EPHB1: variants seen among roughly 807,000 people sequenced by gnomAD.
EPHB1 encodes ephrin type-B receptor 1.
EPHB1 carries 30 observed loss-of-function variants against 94.4 expected under a neutral mutation model. The observed-to-expected ratio is 0.32, with a 90% confidence interval of 0.24 to 0.43. The LOEUF (loss-of-function observed/expected upper bound fraction) is 0.43. Ranked by LOEUF, EPHB1 falls within the 20% of genes least tolerant of loss-of-function variation. The probability of loss-of-function intolerance (pLI) is 1.00; values close to 1 mark genes in which losing one functional copy is unlikely to be tolerated. For missense variants in EPHB1, 1,055 were observed against 1,308.3 expected (o/e 0.81, Z 2.99); for synonymous variants, 522 against 489.1 (o/e 1.07, Z -0.89).
chr3:135,235,483 G>A (rs8179953), intron 12 of EPHB1, among the ~76,000 whole-genome samples: 41,450 of 152,062 alleles, frequency 0.27, 5,805 homozygotes, highest in Non-Finnish European at 0.29. Context: ...CACTTCTCCA[G>A]CCAGTAGCTG....
chr3:134,979,342 A>G (rs39699), intron 3 of EPHB1, among the ~76,000 whole-genome samples: 95,963 of 152,126 alleles, frequency 0.63, 32,095 homozygotes, highest in African/African-American at 0.83. Context: ...TTCTTTCTGT[A>G]ACTTTAGACT....
At position 135,259,971 on chromosome 3, in the gene EPHB1, G is replaced by C. The variant is rs1933573799; in HGVS notation, c.*851G>C. ...CCAAAGGGGCTGGAATATGGTGTTG[G>C]TTTGGCTTTCTGGTTGGCCCAATCG... On this transcript the variant is annotated 3_prime_UTR_variant, in exon 16 of 16. Transcript: ENST00000398015. The C allele has an allele frequency of 4.3e-6, 1 of 232,036 alleles. No homozygotes were observed. 14.4% of individuals were successfully genotyped at this position (232,036 alleles called of 1,614,324 possible). A position where few individuals can be genotyped will look rare whatever the true frequency, so the allele number is the denominator to read the frequency against.
intron 3 of EPHB1, among the ~76,000 whole-genome samples, chr3:135,034,361 G>A (rs757214445): frequency 2.0e-5 from 3 of 152,232 alleles, no homozygotes; most frequent in Non-Finnish European, 1.5e-5. Flanking sequence ...AGGGCAAGGG[G>A]CAGGCAGACT....
chr3:135,071,331 A>G (rs959169381), intron 3 of EPHB1, among the ~76,000 whole-genome samples: 5 of 152,208 alleles, frequency 3.3e-5, no homozygotes, highest in African/African-American at 1.2e-4. Context: ...GAGCAGTAAG[A>G]TCTCAGAAAA....
chr3:135,259,815 A>AG lies in EPHB1; in HGVS notation c.*695_*696insG. The stretch of plus-strand genomic sequence containing the variant: ...AAAAAGAAACCACAAATTGGGGAAA[A>AG]AAAAAGAAGAAAAACCTGTTTCCGT... On this transcript the variant is annotated 3_prime_UTR_variant, in exon 16 of 16. Coordinates refer to ENST00000398015, the MANE Select transcript of EPHB1 (RefSeq NM_004441.5). 4.5e-6 allele frequency: 1 copy of AG among 220,312 alleles called. No individual in the cohort carries two copies. The highest frequency in any genetic ancestry group is 6.6e-5 in the East Asian group (1 of 15,140). 13.6% of individuals were successfully genotyped at this position (220,312 alleles called of 1,614,324 possible).
At chr3:135,104,495 T>C (rs1283181068) in intron 3 of EPHB1, among the ~76,000 whole-genome samples, 4 of 152,308 alleles carry the variant, frequency 2.6e-5, no homozygotes, top group Middle Eastern at 3.4e-3. Flanking sequence ...AAGTGGTCCC[T>C]TTTTACATGG....
At chr3:135,241,838 A>AT (rs1943791915) in intron 13 of EPHB1, among the ~76,000 whole-genome samples, 1 of 152,158 alleles carries the variant, frequency 6.6e-6, no homozygotes, top group Admixed American at 6.5e-5. Context: ...CTCTTCTATG[A>AT]TCCCATATCA....
At chr3:135,081,260 G>A (rs189375241) in intron 3 of EPHB1, among the ~76,000 whole-genome samples, 2 of 152,088 alleles carry the variant, frequency 1.3e-5, no homozygotes, top group Non-Finnish European at 2.9e-5. Context: ...TAAGTCTTTG[G>A]GGATAATTAT....
intron 1 of EPHB1, among the ~76,000 whole-genome samples, chr3:134,844,975 A>G (rs1048069882): frequency 5.9e-5 from 9 of 152,096 alleles, no homozygotes; most frequent in Admixed American, 1.3e-4. Flanking sequence ...ACCTGAATCC[A>G]CTTCAGATTT....
intron 1 of EPHB1, among the ~76,000 whole-genome samples, chr3:134,827,530 A>G (rs539349146): frequency 6.6e-6 from 1 of 152,230 alleles, no homozygotes; most frequent in African/African-American, 2.4e-5. Flanking sequence ...AAGCTCTCCT[A>G]TCATGATCAT....
intron 3 of EPHB1, among the ~76,000 whole-genome samples, chr3:134,984,960 C>CA (rs1934544257): frequency 1.3e-5 from 2 of 151,964 alleles, no homozygotes; most frequent in South Asian, 2.1e-4. Context: ...TTGGTGGCAT[C>CA]AAAAAAAGAG....
At chr3:134,876,710 A>G (rs1207431176) in intron 1 of EPHB1, among the ~76,000 whole-genome samples, 1 of 152,132 alleles carries the variant, frequency 6.6e-6, no homozygotes, top group African/African-American at 2.4e-5. Flanking sequence ...GATGGCGCCA[A>G]GTGTTTGGGG....
intron 1 of EPHB1, among the ~76,000 whole-genome samples, chr3:134,841,046 C>G (rs2036766931): frequency 6.6e-6 from 1 of 152,210 alleles, no homozygotes; most frequent in Non-Finnish European, 1.5e-5. Flanking sequence ...GGCCCCTTCC[C>G]TGGTTTCCCT....
intron 3 of EPHB1, among the ~76,000 whole-genome samples, chr3:135,090,499 C>T (rs1361740433): frequency 6.6e-6 from 1 of 152,218 alleles, no homozygotes; most frequent in Non-Finnish European, 1.5e-5. Context: ...GGTTGTTTCA[C>T]TTTTTAAGAA....
At chr3:134,926,290 T>C (rs2038789685) in intron 2 of EPHB1, among the ~76,000 whole-genome samples, 1 of 152,208 alleles carries the variant, frequency 6.6e-6, no homozygotes, top group Non-Finnish European at 1.5e-5. Flanking sequence ...TGGAGAGACA[T>C]TAATGATTTA....
intron 4 of EPHB1, among the ~76,000 whole-genome samples, chr3:135,116,778 C>T (rs1469170648): frequency 6.6e-6 from 1 of 152,198 alleles, no homozygotes; most frequent in Non-Finnish European, 1.5e-5. Context: ...CTACCCTCTC[C>T]AAGGACCAGT....
intron 2 of EPHB1, among the ~76,000 whole-genome samples, chr3:134,935,917 T>G (rs907849825): frequency 6.6e-6 from 1 of 152,200 alleles, no homozygotes; most frequent in Non-Finnish European, 1.5e-5. Flanking sequence ...ACCTCACTTC[T>G]CACTGGGACC....
At chr3:135,162,368 A>G (rs1003756561) in intron 7 of EPHB1, among the ~76,000 whole-genome samples, 188 bp downstream of exon 7, 9 of 152,068 alleles carry the variant, frequency 5.9e-5, no homozygotes, top group African/African-American at 1.7e-4. Context: ...TTCTCTCCCA[A>G]CGCCTGGTTG....
intron 1 of EPHB1, among the ~76,000 whole-genome samples, chr3:134,923,122 T>C (rs888362013): frequency 6.6e-6 from 1 of 152,164 alleles, no homozygotes; most frequent in Non-Finnish European, 1.5e-5. Flanking sequence ...GTCAGAAGAA[T>C]TGGAGACGAA....
Sources: gnomAD v4.1 joint callset for allele counts (sites outside exome capture counted in the v4.1 genomes callset) on GRCh38, gnomAD v4.1.1 for gene constraint, MANE v1.5 for transcripts, NCBI Gene and HGNC (gene_info 2026-07-23, HGNC 2026-07-21) for gene names.